The following MAG variants were observed in gnomAD, a reference collection of about 807,000 sequenced individuals.
MAG encodes the protein myelin associated glycoprotein, also known as myelin-associated glycoprotein.
In MAG, 30 loss-of-function variants were observed where a neutral mutation model predicts 60.7. That is an observed-to-expected ratio of 0.49 (90% CI 0.37 to 0.67). The LOEUF (loss-of-function observed/expected upper bound fraction) is 0.67. Among genes scored for constraint, MAG ranks in the 30% least tolerant of loss-of-function variants. The probability of loss-of-function intolerance (pLI) is 0.00; values close to 1 mark genes in which losing one functional copy is unlikely to be tolerated. For synonymous variants in MAG, 384 were observed against 376.8 expected (o/e 1.02, Z -0.22); for missense variants, 795 against 851.7 (o/e 0.93, Z 0.83).
In MAG at chr19:35,312,538, G is replaced by A. The variant is rs552575082; in HGVS notation, c.1716+521G>A. On this transcript the variant is annotated intron_variant, in intron 10 of 10. Coordinates refer to ENST00000392213, the MANE Select transcript of MAG (RefSeq NM_002361.4). The stretch of plus-strand genomic sequence containing the variant: ...GTGTCCAAATTCCTGTGGCTAGGGG[G>A]TGGAGGGAGGGGTGGGAAGCGTGGG... The A allele has an allele frequency of 1.5e-5, 8 of 544,016 alleles. No homozygotes were observed. The South Asian group carries it at 1.6e-4, about 11-fold the overall frequency. The allele number at this position is 544,016 out of a possible 1,614,324, so 33.7% of individuals were successfully genotyped here. A position where few individuals can be genotyped will look rare whatever the true frequency, so the allele number is the denominator to read the frequency against.
rs2066438967 is a variant in MAG at position 35,300,290 on chromosome 19, G to A, written c.856G>A (p.Glu286Lys). Residue 286 changes from glutamate to lysine, a missense_variant, in exon 6 of 11, where the codon GAG becomes AAG. Physicochemically the swap from Glu to Lys is moderately conservative, Grantham distance 56. Transcript: ENST00000392213. ...DGTVLREAVA[E>K]SLLLELEEVT... ...GACAGTCCTCCGGGAGGCGGTGGCC[G>A]AGAGCCTGCTCCTGGAGCTGGAGGA... The A allele has an allele frequency of 2.5e-6, 4 of 1,599,418 alleles. No homozygotes were observed. The South Asian group carries it at 4.4e-5, about 18-fold the overall frequency.
chr19:35,309,647 C>T (rs1319755770), intron 7 of MAG, among the ~76,000 whole-genome samples: 3 of 152,102 alleles, frequency 2.0e-5, no homozygotes, highest in Admixed American at 6.5e-5. Flanking sequence ...AGGCCCCAGG[C>T]GTGGGTTAGT....
Position 35,295,375 on chromosome 19 carries a change from T to C in MAG, c.-23-11T>C. On this transcript the variant is annotated splice_polypyrimidine_tract_variant and intron_variant, in intron 2 of 10. Coordinates refer to ENST00000392213, the MANE Select transcript of MAG (RefSeq NM_002361.4). The surrounding 1 kb of genome is among the most constrained non-coding windows in gnomAD (Gnocchi z 5.8). ...TCCCCCAGCCTTTAACCCTCTCCTC[T>C]CCCTTTCCAGCGATCACTCACTCGC... 1 of 1,612,500 alleles carries C rather than the reference T, an allele frequency of 6.2e-7. No homozygotes were observed. The highest frequency in any genetic ancestry group is 8.5e-7 in the Non-Finnish European group (1 of 1,179,324).
At chr19:35,311,358 G>A (rs2066525740) in intron 9 of MAG, among the ~76,000 whole-genome samples, 1 of 152,104 alleles carries the variant, frequency 6.6e-6, no homozygotes, top group Non-Finnish European at 1.5e-5. Flanking sequence ...CAGCTACTCG[G>A]GAGGCTGAGG....
chr19:35,300,107 C>T, intron 5 of MAG, 40 bp from the exon 6 acceptor site: 1 of 1,500,796 alleles, frequency 6.7e-7, no homozygotes. Flanking sequence ...GCCGGTTCCC[C>T]AGCACCTGCT....
intron 7 of MAG, among the ~76,000 whole-genome samples, chr19:35,305,420 G>A (rs1263291881): frequency 1.3e-5 from 2 of 152,176 alleles, no homozygotes; most frequent in African/African-American, 2.4e-5. Flanking sequence ...TACGTTGTAC[G>A]CATTGACCTA....
chr19:35,300,481 AGCATGG>A (rs1190869461), intron 6 of MAG, 77 bp downstream of exon 6: 2 of 1,481,184 alleles, frequency 1.4e-6, no homozygotes, highest in Non-Finnish European at 1.8e-6. Flanking sequence ...ATCCAGGGCG[AGCATGG>A]GCTGGGTCCC....
At position 35,311,901 on chromosome 19, in the gene MAG, C is replaced by T. The variant is rs148059390; in HGVS notation, c.1617-17C>T. 1,276 of 1,589,302 alleles carry T rather than the reference C, an allele frequency of 8.0e-4. 6 individuals are homozygous for T. The African/African-American group carries it at 0.014, about 18-fold the overall frequency. ...AAAGGGAGGGCAGAGAGAGGTCTGA[C>T]GAGTCCTGCCCTGCAGAAAGAACGT... On this transcript the variant is annotated splice_polypyrimidine_tract_variant and intron_variant, in intron 9 of 10. Transcript: ENST00000392213.
At chr19:35,311,066 C>T (rs1444657168) in intron 9 of MAG, among the ~76,000 whole-genome samples, 1 of 152,160 alleles carries the variant, frequency 6.6e-6, no homozygotes, top group African/African-American at 2.4e-5. Flanking sequence ...GGCGCGTTGA[C>T]TCACGCCTGT....
chr19:35,310,400 C>A, intron 8 of MAG, 147 bp from the exon 9 acceptor site: 1 of 829,282 alleles, frequency 1.2e-6, no homozygotes, highest in Non-Finnish European at 1.9e-6. Flanking sequence ...TGCCCTGGCA[C>A]GAGGAGGCTC....
chr19:35,308,425 G>C (rs531311061), intron 7 of MAG, among the ~76,000 whole-genome samples: 30 of 152,326 alleles, frequency 2.0e-4, no homozygotes, highest in African/African-American at 7.0e-4. Flanking sequence ...GAGGGGCCTT[G>C]TAGATGAAAG....
At chr19:35,299,450 C>T in intron 4 of MAG, 104 bp from the exon 5 acceptor site, 1 of 738,516 alleles carries the variant, frequency 1.4e-6, no homozygotes, top group Non-Finnish European at 2.1e-6. Context: ...TGAGGAGTAC[C>T]ATTGCCAGCA....
At chr19:35,301,117 G>C (rs1050821434) in intron 6 of MAG, among the ~76,000 whole-genome samples, 1 of 152,086 alleles carries the variant, frequency 6.6e-6, no homozygotes, top group African/African-American at 2.4e-5. Context: ...TGATCCTCCC[G>C]CCTCAGCCTC....
Position 35,293,348 on chromosome 19 carries a change from G to A in MAG, c.-79-887G>A, listed in dbSNP as rs911533314. On this transcript the variant is annotated intron_variant, in intron 1 of 10. Coordinates refer to ENST00000392213, the MANE Select transcript of MAG (RefSeq NM_002361.4). This position sits in a 1 kb window ranked among gnomAD's most constrained non-coding sequence, Gnocchi z 4.0. ...CCAGGTGTGTGTGGACAGCAGCAGA[G>A]GCATTGCATGCACGCCTTGGGAACT... 2.0e-5 allele frequency among the ~76,000 whole-genome samples: 3 copies of A among 151,960 alleles called. No homozygotes were observed. The highest frequency in any genetic ancestry group is 2.0e-4 in the Admixed American group (3 of 15,258).
intron 10 of MAG, chr19:35,312,535 G>T (rs2066536199): frequency 5.3e-6 from 3 of 563,866 alleles, no homozygotes; most frequent in South Asian, 2.0e-5. Context: ...CTGTGGCTAG[G>T]GGGTGGAGGG....
chr19:35,311,988 C>T lies in MAG; in HGVS notation c.1687C>T (p.Arg563Cys), dbSNP rs780410053. Residue 563 changes from arginine (R) to cysteine (C), a missense_variant, in exon 10 of 11, where the codon CGC becomes TGC. By Grantham distance (180) the Arg-to-Cys change is radical. Transcript: ENST00000392213. ...NPPVLFSSDFRISGAPEKYES... is the reference protein window; with the variant it reads ...NPPVLFSSDFCISGAPEKYES... ...TCCCGTCCTGTTCAGCAGCGACTTC[C>T]GCATCTCTGGGGCACCAGAGAAGTA... 1.1e-5 allele frequency: 18 copies of T among 1,612,908 alleles called. No individual in the cohort carries two copies. The highest frequency in any genetic ancestry group is 1.6e-4 in the Middle Eastern group (1 of 6,082).
intron 4 of MAG, among the ~76,000 whole-genome samples, chr19:35,297,909 CA>C (rs2066413881): frequency 6.7e-6 from 1 of 148,942 alleles, no homozygotes; most frequent in African/African-American, 2.5e-5. Flanking sequence ...TACCACACTA[CA>C]AAAACCACAC....
At chr19:35,308,595 C>CAAAAA (rs1436508286) in intron 7 of MAG, among the ~76,000 whole-genome samples, 7 of 152,162 alleles carry the variant, frequency 4.6e-5, no homozygotes, top group Non-Finnish European at 8.8e-5. Context: ...CCTCCAGTAA[C>CAAAAA]TATCATGAGT....
chr19:35,295,514 G>C lies in MAG; in HGVS notation c.46+60G>C. 1 of 1,610,712 alleles carries C rather than the reference G, an allele frequency of 6.2e-7. No homozygotes were observed. Among genetic ancestry groups the C allele is most frequent in the Non-Finnish European group, 8.5e-7 (1 of 1,178,398 alleles). ...TTGGCCCCTGAGCAGGTTGGAGGTG[G>C]GTCCCCGCAGCCCCCCGGCATGTGG... is the stretch of plus-strand genomic sequence containing the variant. On this transcript the variant is annotated intron_variant, in intron 3 of 10. Transcript: ENST00000392213. This position sits in a 1 kb window ranked among gnomAD's most constrained non-coding sequence, Gnocchi z 5.8.
Sources: gnomAD v4.1 joint callset for allele counts (sites outside exome capture counted in the v4.1 genomes callset) on GRCh38, gnomAD v4.1.1 for gene constraint, Gnocchi (gnomAD v3.1) non-coding constraint, MANE v1.5 for transcripts, NCBI Gene and HGNC (gene_info 2026-07-23, HGNC 2026-07-21) for gene names.